MORN1: variants seen among roughly 807,000 people sequenced by gnomAD.
MORN1 encodes MORN repeat-containing protein 1.
In MORN1, 67 loss-of-function variants were observed where a neutral mutation model predicts 61.9. The ratio of observed to expected loss-of-function variants is 1.08; its 90% CI spans 0.89 to 1.33. The LOEUF (loss-of-function observed/expected upper bound fraction) is 1.33. Among genes scored for constraint, MORN1 ranks in the 40% most tolerant of loss-of-function variants. The pLI is 0.00. For missense variants in MORN1, 752 were observed against 691.2 expected, an observed-to-expected ratio of 1.09 and a Z score of -0.99; for synonymous variants, 301 against 292.0, an observed-to-expected ratio of 1.03 and a Z score of -0.31.
chr1:2,373,411 C>G (rs781405902), intron 7 of MORN1, among the ~76,000 whole-genome samples: 8 of 152,236 alleles, frequency 5.3e-5, no homozygotes, highest in Non-Finnish European at 1.0e-4. Flanking sequence ...GGAGACCCTC[C>G]TCGGGGTGAA....
chr1:2,365,333 G>A (rs199965341), intron 8 of MORN1, among the ~76,000 whole-genome samples: 37,218 of 136,174 alleles, frequency 0.27, 5,582 homozygotes, highest in Middle Eastern at 0.42. Flanking sequence ...ATTGTGAATG[G>A]GAGTTCACTC....
intron 6 of MORN1, among the ~76,000 whole-genome samples, chr1:2,379,918 T>A (rs533372834): frequency 6.6e-6 from 1 of 152,158 alleles, no homozygotes; most frequent in African/African-American, 2.4e-5. Flanking sequence ...CTTGAAGAGT[T>A]CTCTGTGCAG....
At chr1:2,322,088 G>C (rs980517440) in intron 13 of MORN1, 1 of 985,324 alleles carries the variant, frequency 1.0e-6, no homozygotes, top group Non-Finnish European at 1.2e-6. Flanking sequence ...CCCCACACCC[G>C]CGCTGGGGCT....
At chr1:2,382,552 C>T (rs1244232310) in intron 6 of MORN1, among the ~76,000 whole-genome samples, 5 of 150,980 alleles carry the variant, frequency 3.3e-5, no homozygotes, top group South Asian at 2.1e-4. Flanking sequence ...GGTGGGGGCC[C>T]GGGTGTGCTC....
intron 4 of MORN1, 140 bp from the exon 5 acceptor site, chr1:2,386,037 C>T (rs1642490625): frequency 4.4e-6 from 3 of 687,042 alleles, no homozygotes; most frequent in Non-Finnish European, 7.8e-6. Context: ...CCCCCAGGAA[C>T]ATGACAGACC....
intron 10 of MORN1, 147 bp from the exon 11 acceptor site, chr1:2,336,997 G>C (rs1181261600): frequency 8.1e-6 from 8 of 985,204 alleles, no homozygotes; most frequent in Non-Finnish European, 1.1e-5. Context: ...GGCAGGTCAG[G>C]GGGCAGGGAC....
At chr1:2,387,064 A>G (rs538340438) in intron 4 of MORN1, 19 of 309,572 alleles carry the variant, frequency 6.1e-5, no homozygotes, top group Admixed American at 2.4e-4. Flanking sequence ...GTGACCCCAC[A>G]TAGACCAGAC....
chr1:2,337,058 TC>T lies in MORN1; in HGVS notation c.1037-209del, dbSNP rs1487171033. ...CCGCCGACAGGGGAGGTGGGGGTCC[TC>T]CGTGTCCACGGCCTCTGACGCCCCC... On this transcript the variant is annotated intron_variant, in intron 10 of 13. Transcript: ENST00000378531. The surrounding 1 kb of genome is among the most constrained non-coding windows in gnomAD (Gnocchi z 5.7). Among the ~76,000 whole-genome samples, 8 of 151,994 alleles carry T rather than the reference TC, an allele frequency of 5.3e-5. No homozygotes were observed. In the East Asian group the frequency reaches 1.6e-3, roughly 30 times the overall value.
At chr1:2,358,513 A>T in intron 9 of MORN1, 79 bp downstream of exon 9, 1 of 1,586,216 alleles carries the variant, frequency 6.3e-7, no homozygotes, top group East Asian at 2.2e-5. Flanking sequence ...CTCTAGGGAA[A>T]AAAGGACAAG....
chr1:2,331,726 C>T (rs1641151127), intron 12 of MORN1, among the ~76,000 whole-genome samples: 1 of 152,164 alleles, frequency 6.6e-6, no homozygotes, highest in Non-Finnish European at 1.5e-5. Context: ...CAGGATCCTG[C>T]CTGAGAGTTG....
At position 2,351,816 on chromosome 1, in the gene MORN1, T is replaced by C. The variant is rs1469814321; in HGVS notation, c.1036+5616A>G. On this transcript the variant is annotated intron_variant, in intron 10 of 13. Transcript: ENST00000378531. ...ATCTTGTAGGATACGTCTCATTCTG[T>C]GGTCCGTGTGTGGCAGCATCTTGCT... is the stretch of plus-strand genomic sequence containing the variant. The C allele has an allele frequency of 4.2e-5, 23 of 547,736 alleles. No homozygotes were observed. The East Asian group carries it at 9.3e-4, about 22-fold the overall frequency. The allele number at this position is 547,736 out of a possible 1,614,324, so 33.9% of individuals were successfully genotyped here. A position where few individuals can be genotyped will look rare whatever the true frequency, so the allele number is the denominator to read the frequency against.
intron 6 of MORN1, chr1:2,377,540 C>G (rs1237707572): frequency 2.0e-5 from 3 of 152,368 alleles, no homozygotes; most frequent in Admixed American, 6.5e-5. Flanking sequence ...TGGCCCACTC[C>G]AAGCAGCCTG....
At chr1:2,354,524 G>A (rs1641718184) in intron 10 of MORN1, among the ~76,000 whole-genome samples, 1 of 152,142 alleles carries the variant, frequency 6.6e-6, no homozygotes, top group African/African-American at 2.4e-5. Flanking sequence ...CCGAGATCAC[G>A]CCACTGCACT....
chr1:2,355,488 T>C (rs1641743652), intron 10 of MORN1: 1 of 1,549,978 alleles, frequency 6.5e-7, no homozygotes, highest in Non-Finnish European at 8.7e-7. Flanking sequence ...CCCCCGAGGC[T>C]CTGAGGCTCT....
At position 2,321,590 on chromosome 1, in the gene MORN1, C is replaced by T. The variant is rs558110126; in HGVS notation, c.1298-11G>A. 1.5e-5 allele frequency: 22 copies of T among 1,470,492 alleles called. No homozygotes were observed. Among genetic ancestry groups the T allele is most frequent in the Middle Eastern group, 1.8e-4 (1 of 5,502 alleles). 91.1% of individuals were successfully genotyped at this position (1,470,492 alleles called of 1,614,324 possible). On this transcript the variant is annotated splice_polypyrimidine_tract_variant and intron_variant, in intron 13 of 13. Transcript: ENST00000378531. ...TGAGCACGTACTCCCCTGCAAGGGG[C>T]GGGTGGGCTGGTCCTCAGCAGGCTC...
At position 2,374,497 on chromosome 1, in the gene MORN1, T is replaced by A; in HGVS notation, c.598A>T (p.Thr200Ser). ...LGSMAHCSGV[T>S]YYGLWINGHP... ...CCATTGATCCACAACCCATAATAGG[T>A]GACCCCTGAGCAGTGGGCCATGCTG... The change falls in exon 7 of 14, where the codon ACC becomes TCC. Residue 200 changes from threonine (T) to serine (S), a missense_variant. By Grantham distance (58) the Thr-to-Ser change is moderately conservative. Coordinates refer to ENST00000378531, the MANE Select transcript of MORN1 (RefSeq NM_024848.3). The A allele has an allele frequency of 6.2e-7, 1 of 1,603,546 alleles. No individual in the cohort carries two copies. The highest frequency in any genetic ancestry group is 8.5e-7 in the Non-Finnish European group (1 of 1,175,754).
Position 2,387,485 on chromosome 1 carries a change from A to G in MORN1, c.292T>C (p.Tyr98His). 1 of 1,613,578 alleles carries G rather than the reference A, an allele frequency of 6.2e-7. No individual in the cohort carries two copies. The highest frequency in any genetic ancestry group is 1.1e-5 in the South Asian group (1 of 91,086). The part of the protein sequence containing the change: ...GQFVLGEPQG[Y>H]GVMEYKAGGC... The stretch of plus-strand genomic sequence containing the variant: ...CCGGCTTTGTACTCCATGACGCCGT[A>G]GCCTTGAGGCTCTCCCAGAACAAAC... Residue 98 changes from tyrosine to histidine, a missense_variant, in exon 4 of 14, where the codon TAC (tyrosine) becomes CAC (histidine). Coordinates refer to ENST00000378531, the MANE Select transcript of MORN1 (RefSeq NM_024848.3).
chr1:2,362,387 G>C (rs1450611654), intron 8 of MORN1, among the ~76,000 whole-genome samples: 1 of 152,184 alleles, frequency 6.6e-6, no homozygotes, highest in Non-Finnish European at 1.5e-5. Flanking sequence ...AGGAAAACCT[G>C]TGTATGAGTG....
chr1:2,339,154 A>G (rs1009168690), intron 10 of MORN1, among the ~76,000 whole-genome samples: 2 of 152,246 alleles, frequency 1.3e-5, no homozygotes, highest in East Asian at 3.9e-4. Context: ...AGAAACGAGA[A>G]ATGGTGAAAA....
Sources: allele counts gnomAD v4.1 joint callset (sites outside exome capture counted in the v4.1 genomes callset), GRCh38; gene constraint gnomAD v4.1.1; non-coding constraint Gnocchi (gnomAD v3.1); transcripts MANE v1.5; gene names NCBI Gene and HGNC (gene_info 2026-07-23, HGNC 2026-07-21).